The following SYNC variants were observed in gnomAD, a reference collection of about 807,000 sequenced individuals.
SYNC encodes syncoilin.
A neutral mutation model predicts 49.5 loss-of-function variants in SYNC; 38 were observed. The observed-to-expected ratio is 0.77, with a 90% CI of 0.59 to 1.01. SYNC has a LOEUF of 1.01. SYNC is among the 50% of genes least tolerant of loss of function. SYNC has a pLI of 0.00. For synonymous variants in SYNC, 201 were observed against 230.8 expected, an observed-to-expected ratio of 0.87 and a Z score of 1.17; for missense variants, 579 against 580.6, an observed-to-expected ratio of 1.00 and a Z score of 0.03.
chr1:32,687,855 A>ATTATTATTATTATT (rs71006359), intron 2 of SYNC, among the ~76,000 whole-genome samples: 1,458 of 135,452 alleles, frequency 0.011, 28 homozygotes, highest in South Asian at 0.035. Context: ...TATTATTATT[A>ATTATTATTATTATT]TTATTATTTT....
intron 2 of SYNC, 155 bp from the exon 3 acceptor site, chr1:32,684,537 G>A: frequency 8.8e-7 from 1 of 1,140,662 alleles, no homozygotes. Flanking sequence ...CAGGTTCAAA[G>A]AAGTTGTGTC....
chr1:32,693,061 A>C (rs1570915547), intron 2 of SYNC, among the ~76,000 whole-genome samples: 1 of 148,308 alleles, frequency 6.7e-6, no homozygotes. Flanking sequence ...CCCAAAAACC[A>C]CAGTGTTTTT....
At position 32,695,564 on chromosome 1, in the gene SYNC, A is replaced by G. The variant is rs1256066486; in HGVS notation, c.534T>C (p.Arg178=). The change falls in exon 2 of 5, where the codon CGT becomes CGC. Residue 178 remains arginine (R), a synonymous_variant. Coordinates refer to ENST00000409190, the MANE Select transcript of SYNC (RefSeq NM_030786.3). The part of the protein sequence containing the change: ...SIEDLELLEG[R]FQQCVQAVAQ... Reference sequence around the variant, plus strand: ...CCACAGCTTGGACACACTGCTGGAAACGCCCCTCTAGCAATTCCAGGTCCT... The same window carrying G: ...CCACAGCTTGGACACACTGCTGGAAGCGCCCCTCTAGCAATTCCAGGTCCT... 6.4e-7 allele frequency: 1 copy of G among 1,551,328 alleles called. No homozygotes were observed. Among genetic ancestry groups the G allele is most frequent in the Non-Finnish European group, 8.7e-7 (1 of 1,146,928 alleles).
At chr1:32,690,883 T>G (rs1204478107) in intron 2 of SYNC, among the ~76,000 whole-genome samples, 1 of 151,526 alleles carries the variant, frequency 6.6e-6, no homozygotes, top group Non-Finnish European at 1.5e-5. Context: ...GCTCAGGAGT[T>G]CAAGACCATC....
intron 2 of SYNC, among the ~76,000 whole-genome samples, chr1:32,688,819 G>C (rs1650018601): frequency 6.6e-6 from 1 of 151,764 alleles, no homozygotes; most frequent in South Asian, 2.1e-4. Flanking sequence ...CTGACCTCAT[G>C]ATCCACTCGC....
intron 2 of SYNC, chr1:32,685,998 A>G (rs903347880): frequency 6.6e-5 from 10 of 152,116 alleles, no homozygotes; most frequent in Admixed American, 6.6e-4. Flanking sequence ...CCGTATGAAC[A>G]TTTTCCTCTA....
In SYNC at chr1:32,695,309, GC is replaced by G. The variant is rs1175300009; in HGVS notation, c.788del (p.Arg263ProfsTer15). 1.3e-6 allele frequency: 2 copies of G among 1,551,542 alleles called. No individual in the cohort carries two copies. The highest frequency in any genetic ancestry group is 3.9e-5 in the Admixed American group (2 of 50,910). Reference protein sequence around the residue: ...CVAYQYQLECRQQDVAQFADF... With the variant: ...CVAYQYQLECXQQDVAQFADF... Reference sequence around the variant, plus strand: ...CGGCAAACTGAGCCACGTCCTGCTGGCGGCACTCCAGCTGGTATTGGTAGGC... The same window carrying G: ...CGGCAAACTGAGCCACGTCCTGCTGGGGCACTCCAGCTGGTATTGGTAGGC... On this transcript the variant is annotated frameshift_variant, in exon 2 of 5. Coordinates refer to ENST00000409190, the MANE Select transcript of SYNC (RefSeq NM_030786.3). LOFTEE classifies it high-confidence loss of function.
chr1:32,682,824 T>C (rs1477445178), intron 4 of SYNC: 5 of 152,164 alleles, frequency 3.3e-5, no homozygotes, highest in Non-Finnish European at 7.3e-5. Context: ...ATAAAATTTA[T>C]AGGCATCTGT....
At chr1:32,698,941 C>A (rs1036557165) in intron 1 of SYNC, among the ~76,000 whole-genome samples, 1 of 151,274 alleles carries the variant, frequency 6.6e-6, no homozygotes, top group Non-Finnish European at 1.5e-5. Context: ...GCGCCACACC[C>A]GCTAATTTTT....
chr1:32,700,648 G>T (rs145615240), intron 1 of SYNC, among the ~76,000 whole-genome samples: 1 of 152,296 alleles, frequency 6.6e-6, no homozygotes, highest in Non-Finnish European at 1.5e-5. Flanking sequence ...AGTGAACTGA[G>T]ATTGCGCCAT....
At chr1:32,694,653 C>CA (rs112953442) in intron 2 of SYNC, among the ~76,000 whole-genome samples, 4,519 of 118,538 alleles carry the variant, frequency 0.038, 100 homozygotes, top group Middle Eastern at 0.084. Flanking sequence ...GACTCCATCT[C>CA]AAAAAAAAAA....
At chr1:32,696,851 G>A (rs1650454977) in intron 1 of SYNC, among the ~76,000 whole-genome samples, 1 of 150,670 alleles carries the variant, frequency 6.6e-6, no homozygotes, top group African/African-American at 2.4e-5. Context: ...GTGCAGTGGT[G>A]CCATTTCAGC....
chr1:32,696,520 T>C (rs1185708031), intron 1 of SYNC, among the ~76,000 whole-genome samples: 2 of 151,248 alleles, frequency 1.3e-5, no homozygotes, highest in Non-Finnish European at 2.9e-5. Context: ...CGATCTTGGC[T>C]CACTGCAGCC....
intron 2 of SYNC, among the ~76,000 whole-genome samples, chr1:32,691,750 C>T (rs1650177529): frequency 6.6e-6 from 1 of 152,068 alleles, no homozygotes; most frequent in Non-Finnish European, 1.5e-5. Flanking sequence ...CCCCTGCTCC[C>T]CTCAGGCTTA....
At position 32,695,184 on chromosome 1, in the gene SYNC, T is replaced by A. The variant is rs750380360; in HGVS notation, c.914A>T (p.Gln305Leu). 4.5e-6 allele frequency: 7 copies of A among 1,569,402 alleles called. No homozygotes were observed. Among genetic ancestry groups the A allele is most frequent in the Non-Finnish European group, 6.1e-6 (7 of 1,156,898 alleles). ...CCTCTGGCTTGGAGGGGCTTCTAGT[T>A]GTTGCCGCAGCTGCTCCTTCTGCTT... ...YQKQKEQLRQ[Q>L]LEAPPSQRDG... The change falls in exon 2 of 5, where the codon CAA (glutamine) becomes CTA (leucine). Residue 305 changes from glutamine (Q) to leucine (L), a missense_variant. Gln to Leu is a moderately radical substitution (Grantham distance 113, BLOSUM62 -2). Transcript: ENST00000409190.
chr1:32,702,781 G>C (rs1015811918), upstream of SYNC: 2 of 871,398 alleles, frequency 2.3e-6, no homozygotes, highest in Middle Eastern at 5.3e-4. This position sits in a 1 kb window ranked among gnomAD's most constrained non-coding sequence, Gnocchi z 6.2. Flanking sequence ...GGCCGGCCCC[G>C]GGCCGGGCGC....
intron 2 of SYNC, among the ~76,000 whole-genome samples, chr1:32,693,964 C>T (rs777010345): frequency 8.5e-5 from 13 of 152,156 alleles, no homozygotes; most frequent in Non-Finnish European, 1.9e-4. Flanking sequence ...TGGCCGGCTG[C>T]GGTGGCTCAC....
At chr1:32,702,771 G>A, upstream of SYNC, 2 of 936,666 alleles carry the variant, frequency 2.1e-6, no homozygotes, top group Non-Finnish European at 2.6e-6. The surrounding 1 kb of genome is among the most constrained non-coding windows in gnomAD (Gnocchi z 6.2). Context: ...ACCGGATCCC[G>A]GCCGGCCCCG....
rs1649403114 is a variant in SYNC at position 32,681,086 on chromosome 1, G to A, written c.*764C>T. 1 of 152,774 alleles carries A rather than the reference G, an allele frequency of 6.5e-6. No homozygotes were observed. The allele number at this position is 152,774 out of a possible 1,614,324, so 9.5% of individuals were successfully genotyped here. ...TAGGCTTTGAAGGCCTCTATCACCA[G>A]ATGCAATAACCAGATAAAATTCCTG... On this transcript the variant is annotated 3_prime_UTR_variant, in exon 5 of 5. Coordinates refer to ENST00000409190, the MANE Select transcript of SYNC (RefSeq NM_030786.3).
Sources: allele counts gnomAD v4.1 joint callset (sites outside exome capture counted in the v4.1 genomes callset), GRCh38; gene constraint gnomAD v4.1.1; non-coding constraint Gnocchi (gnomAD v3.1); transcripts MANE v1.5; gene names NCBI Gene and HGNC (gene_info 2026-07-23, HGNC 2026-07-21).